Variants in PRDM6 observed in about 807,000 individuals in gnomAD.
PRDM6 encodes PR/SET domain 6.
In PRDM6, 25 loss-of-function variants were observed where a neutral mutation model predicts 60.8. The observed-to-expected ratio is 0.41, with a 90% CI of 0.30 to 0.57. The LOEUF (loss-of-function observed/expected upper bound fraction) is 0.57, where lower values mean the gene tolerates loss of function less well. Among genes scored for constraint, PRDM6 ranks in the 20% least tolerant of loss-of-function variants. The probability of loss-of-function intolerance (pLI) is 0.27; values close to 1 mark genes in which losing one functional copy is unlikely to be tolerated. For missense variants in PRDM6, 839 were observed against 821.3 expected (o/e 1.02, Z -0.26); for synonymous variants, 407 against 357.4 (o/e 1.14, Z -1.57).
chr5:123,139,035 A>G (rs1037942799), intron 3 of PRDM6, among the ~76,000 whole-genome samples: 1 of 152,122 alleles, frequency 6.6e-6, no homozygotes, highest in Non-Finnish European at 1.5e-5. Flanking sequence ...AGCGTCTGGC[A>G]TTTCCCCTGC....
At chr5:123,140,565 T>C (rs2126860059) in intron 3 of PRDM6, among the ~76,000 whole-genome samples, 1 of 152,284 alleles carries the variant, frequency 6.6e-6, no homozygotes, top group South Asian at 2.1e-4. Context: ...TGGATTTTAA[T>C]TATACCATTT....
At chr5:123,098,430 G>A (rs987828317) in intron 2 of PRDM6, among the ~76,000 whole-genome samples, 7 of 152,242 alleles carry the variant, frequency 4.6e-5, no homozygotes, top group Non-Finnish European at 1.0e-4. Context: ...CATCCGCGCT[G>A]AGGCGCAGAC....
chr5:123,137,293 A>G (rs750205120), intron 3 of PRDM6, among the ~76,000 whole-genome samples: 1 of 152,232 alleles, frequency 6.6e-6, no homozygotes, highest in Non-Finnish European at 1.5e-5. Context: ...ACTGCAAATC[A>G]CTATTGGTGT....
rs114750111 is a variant in PRDM6, at chr5:123,168,159, T to C, written c.1154-2607T>C. ...GTAAAAACTGTCCACAAATTCTATA[T>C]TGATTATATTCTTTTGCCCCAGAAT... On this transcript the variant is annotated intron_variant, in intron 5 of 7. Transcript: ENST00000407847. Among the ~76,000 whole-genome samples the C allele has an allele frequency of 5.9e-3, 903 of 152,338 alleles. 14 individuals are homozygous for C. The highest frequency in any genetic ancestry group is 0.021 in the African/African-American group (864 of 41,582).
intron 3 of PRDM6, among the ~76,000 whole-genome samples, chr5:123,138,577 G>A (rs974485107): frequency 6.6e-6 from 1 of 152,302 alleles, no homozygotes; most frequent in African/African-American, 2.4e-5. Flanking sequence ...AAAGTTGAAT[G>A]TTTTCAGGAA....
At chr5:123,181,038 ATGG>A (rs1299673008) in intron 7 of PRDM6, among the ~76,000 whole-genome samples, 3 of 152,328 alleles carry the variant, frequency 2.0e-5, no homozygotes, top group Admixed American at 2.0e-4. Context: ...ACTTATCCAA[ATGG>A]TGGACATCTG....
chr5:123,139,988 A>C (rs1765061448), intron 3 of PRDM6, among the ~76,000 whole-genome samples: 1 of 152,146 alleles, frequency 6.6e-6, no homozygotes, highest in South Asian at 2.1e-4. Flanking sequence ...CCCTTATTTC[A>C]AAGGGCAGCA....
chr5:123,120,913 CAG>C (rs754245975), intron 3 of PRDM6, among the ~76,000 whole-genome samples: 21 of 152,242 alleles, frequency 1.4e-4, no homozygotes, highest in Non-Finnish European at 2.9e-4. Context: ...ATCTCTCTTA[CAG>C]AGTTATTGGC....
intron 3 of PRDM6, among the ~76,000 whole-genome samples, chr5:123,130,424 C>A (rs961763620): frequency 1.4e-5 from 2 of 147,422 alleles, no homozygotes; most frequent in African/African-American, 2.5e-5. Flanking sequence ...GAAAGGTTAT[C>A]TTAAAGAATT....
chr5:123,122,332 C>A (rs552541468), intron 3 of PRDM6, among the ~76,000 whole-genome samples: 2 of 152,128 alleles, frequency 1.3e-5, no homozygotes, highest in Admixed American at 1.3e-4. Context: ...ATTTAAGATA[C>A]CTTTAAAATG....
At chr5:123,124,603 A>G (rs182355797) in intron 3 of PRDM6, among the ~76,000 whole-genome samples, 5 of 152,308 alleles carry the variant, frequency 3.3e-5, no homozygotes, top group African/African-American at 1.2e-4. Context: ...TTTGGCAATC[A>G]CACTGCCTTG....
intron 3 of PRDM6, among the ~76,000 whole-genome samples, chr5:123,147,569 G>A (rs1765274956): frequency 6.6e-6 from 1 of 152,140 alleles, no homozygotes; most frequent in African/African-American, 2.4e-5. Flanking sequence ...TCTTTAATTT[G>A]GATGGATAAA....
At chr5:123,107,392 A>G (rs915888670) in intron 3 of PRDM6, among the ~76,000 whole-genome samples, 1 of 152,234 alleles carries the variant, frequency 6.6e-6, no homozygotes, top group Non-Finnish European at 1.5e-5. Context: ...GAAATGCTCA[A>G]AATGCTGCAG....
rs983605177 is a variant in PRDM6, at chr5:123,192,517, C to T, written c.*5316C>T. 6.6e-6 allele frequency: 1 copy of T among 152,118 alleles called. No homozygotes were observed. Among genetic ancestry groups the T allele is most frequent in the Non-Finnish European group, 1.5e-5 (1 of 68,028 alleles). 9.4% of individuals were successfully genotyped at this position (152,118 alleles called of 1,614,324 possible). ...CATTATAGATGCTGATTTTGTCATG[C>T]CCAAATCTCATTGCTGGACAGAATT... On this transcript the variant is annotated 3_prime_UTR_variant, in exon 8 of 8. Transcript: ENST00000407847.
intron 3 of PRDM6, among the ~76,000 whole-genome samples, chr5:123,121,692 A>G (rs1019298388): frequency 6.6e-6 from 1 of 152,216 alleles, no homozygotes; most frequent in East Asian, 1.9e-4. Flanking sequence ...AATATTAACA[A>G]TAACTTCTTA....
chr5:123,186,572 C>T (rs1201332144), intron 7 of PRDM6, among the ~76,000 whole-genome samples: 5 of 152,156 alleles, frequency 3.3e-5, no homozygotes, highest in Admixed American at 3.3e-4. Context: ...AAGCAGCGAC[C>T]ACGCCTACTG....
At chr5:123,107,150 C>G (rs1013212788) in intron 3 of PRDM6, among the ~76,000 whole-genome samples, 1 of 152,184 alleles carries the variant, frequency 6.6e-6, no homozygotes, top group African/African-American at 2.4e-5. Context: ...GGGTTTTGAT[C>G]ATACGTATAT....
intron 4 of PRDM6, among the ~76,000 whole-genome samples, chr5:123,158,617 A>G (rs533225753): frequency 6.6e-6 from 1 of 152,188 alleles, no homozygotes; most frequent in Non-Finnish European, 1.5e-5. Context: ...TGACAAGTGC[A>G]TATCTCACTG....
In PRDM6 at chr5:123,090,365, G is replaced by T; in HGVS notation, c.351G>T (p.Pro117=). ...GLSALPVSQL[P]VFAPLAAAAV... is the part of the protein sequence containing the mutation. ...CGGCCCTGCCGGTGTCGCAGCTGCCGGTGTTCGCGCCTCTAGCCGCCGCTG... is the reference window on the plus strand; with the variant it reads ...CGGCCCTGCCGGTGTCGCAGCTGCCTGTGTTCGCGCCTCTAGCCGCCGCTG... Residue 117 remains proline, a synonymous_variant, in exon 2 of 8, where the codon CCG becomes CCT. Coordinates refer to ENST00000407847, the MANE Select transcript of PRDM6 (RefSeq NM_001136239.4). 2 of 1,472,032 alleles carry T rather than the reference G, an allele frequency of 1.4e-6. No individual in the cohort carries two copies. Among genetic ancestry groups the T allele is most frequent in the Admixed American group, 2.3e-5 (1 of 42,768 alleles). 91.2% of individuals were successfully genotyped at this position (1,472,032 alleles called of 1,614,324 possible). A position where few individuals can be genotyped will look rare whatever the true frequency, so the allele number is the denominator to read the frequency against.
Sources: gnomAD v4.1 joint callset for allele counts (sites outside exome capture counted in the v4.1 genomes callset) on GRCh38, gnomAD v4.1.1 for gene constraint, MANE v1.5 for transcripts, NCBI Gene and HGNC (gene_info 2026-07-23, HGNC 2026-07-21) for gene names.